BUB1B: variants seen among roughly 807,000 people sequenced by gnomAD.
The protein encoded by BUB1B is mitotic checkpoint serine/threonine-protein kinase BUB1 beta.
Under a neutral mutation model 137.7 loss-of-function variants are expected in BUB1B, and 86 were observed. The observed-to-expected ratio is 0.62, with a 90% CI of 0.52 to 0.75. The LOEUF (loss-of-function observed/expected upper bound fraction) is 0.75. BUB1B is among the 30% of genes least tolerant of loss of function. The pLI, the probability that BUB1B is intolerant of heterozygous loss-of-function variation, is 0.00. For synonymous variants in BUB1B, 420 were observed against 417.9 expected, an observed-to-expected ratio of 1.00 and a Z score of -0.06; for missense variants, 1,130 against 1,236.9, an observed-to-expected ratio of 0.91 and a Z score of 1.30.
chr15:40,167,596 C>T (rs8023415), intron 2 of BUB1B, among the ~76,000 whole-genome samples: 17,472 of 152,134 alleles, frequency 0.11, 1,180 homozygotes, highest in Non-Finnish European at 0.15. Context: ...CCGCCTCGGC[C>T]TCCCAGAGTG....
chr15:40,214,722 C>G (rs1566828956), intron 20 of BUB1B, among the ~76,000 whole-genome samples: 2 of 152,134 alleles, frequency 1.3e-5, no homozygotes, highest in Non-Finnish European at 2.9e-5. Flanking sequence ...CAAAGGCTTT[C>G]CCAGACATAA....
Position 40,185,632 on chromosome 15 carries a change from C to T in BUB1B, c.1048C>T (p.Gln350Ter). 1 of 1,613,304 alleles carries T rather than the reference C, an allele frequency of 6.2e-7. No individual in the cohort carries two copies. Among genetic ancestry groups the T allele is most frequent in the South Asian group, 1.1e-5 (1 of 91,076 alleles). Residue 350 changes from glutamine to a stop codon, truncating the protein, a stop_gained, in exon 8 of 23, where the codon CAG becomes TAG. Coordinates refer to ENST00000287598, the MANE Select transcript of BUB1B (RefSeq NM_001211.6). LOFTEE classifies it high-confidence loss of function. The part of the protein sequence containing the change: ...FTPYVEETAR[Q>*]PVMTPCKIEP... ...TCCATATGTGGAAGAGACTGCACGA[C>T]AGCCAGTTATGTGAGTGTGGTTTTT... is the stretch of plus-strand genomic sequence containing the variant.
chr15:40,195,033 T>TA (rs1313960149), intron 8 of BUB1B, among the ~76,000 whole-genome samples: 2 of 152,172 alleles, frequency 1.3e-5, no homozygotes, highest in Non-Finnish European at 2.9e-5. Flanking sequence ...GGTGTTTGGT[T>TA]ACACAAATAA....
At chr15:40,212,810 A>T (rs1053711918) in intron 19 of BUB1B, among the ~76,000 whole-genome samples, 162 bp downstream of exon 19, 2 of 152,174 alleles carry the variant, frequency 1.3e-5, no homozygotes, top group Admixed American at 1.3e-4. Flanking sequence ...TTGACCAAAG[A>T]TCTCTTTGGT....
At position 40,217,398 on chromosome 15, in the gene BUB1B, T is replaced by C. The variant is rs2037808945; in HGVS notation, c.2679-98T>C. The stretch of plus-strand genomic sequence containing the variant: ...CACTGGAGGGAGTTGTTGGCATAGC[T>C]AAGATGTACCCAAGGTACCTTTTTT... On this transcript the variant is annotated intron_variant, in intron 20 of 22. Coordinates refer to ENST00000287598, the MANE Select transcript of BUB1B (RefSeq NM_001211.6). 1.2e-5 allele frequency: 16 copies of C among 1,305,054 alleles called. No homozygotes were observed. In the South Asian group the frequency reaches 1.4e-4, roughly 12 times the overall value. 80.8% of individuals were successfully genotyped at this position (1,305,054 alleles called of 1,614,324 possible).
At chr15:40,172,221 CTAAAA>C (rs1252605715) in intron 4 of BUB1B, among the ~76,000 whole-genome samples, 39 of 151,704 alleles carry the variant, frequency 2.6e-4, no homozygotes, top group Non-Finnish European at 5.0e-4. Flanking sequence ...AAATTTCTTA[CTAAAA>C]TAAAGTAATA....
Position 40,206,262 on chromosome 15 carries a change from C to G in BUB1B, c.1813C>G (p.Pro605Ala). 1 of 1,614,086 alleles carries G rather than the reference C, an allele frequency of 6.2e-7. No homozygotes were observed. The highest frequency in any genetic ancestry group is 1.3e-5 in the African/African-American group (1 of 75,024). Residue 605 changes from proline (P) to alanine (A), a missense_variant, in exon 15 of 23, where the codon CCA becomes GCA. Physicochemically the swap from Pro to Ala is conservative, Grantham distance 27. Coordinates refer to ENST00000287598, the MANE Select transcript of BUB1B (RefSeq NM_001211.6). The stretch of plus-strand genomic sequence containing the variant: ...CAGAAATGTAACAATTTGTCCTAAC[C>G]CAGAAGACACTTGTGACTTTGCCAG... ...GFRNVTICPN[P>A]EDTCDFARAA...
At chr15:40,209,591 G>C in intron 16 of BUB1B, 44 bp from the exon 17 acceptor site, 1 of 1,612,868 alleles carries the variant, frequency 6.2e-7, no homozygotes, top group Non-Finnish European at 8.5e-7. Context: ...TAAGCATTAG[G>C]GTTTTTTTGG....
In BUB1B at chr15:40,200,279, A is replaced by G. The variant is rs56292726; in HGVS notation, c.1437A>G (p.Lys479=). 2.4e-5 allele frequency: 38 copies of G among 1,613,906 alleles called. No homozygotes were observed. The East Asian group carries it at 4.7e-4, about 20-fold the overall frequency. Residue 479 remains lysine, a synonymous_variant, in exon 11 of 23, where the codon AAA becomes AAG. Transcript: ENST00000287598. ...CGATGCCTACAAAGGAGACAACTAA[A>G]CTGCAAATTGCTTCCGAGTCTCAGA... ...EETMPTKETT[K]LQIASESQKI...
chr15:40,206,354 T>C lies in BUB1B; in HGVS notation c.1905T>C (p.Pro635=), dbSNP rs763025069. The change falls in exon 15 of 23, where the codon CCT becomes CCC. Residue 635 remains proline, a synonymous_variant. Transcript: ENST00000287598. The part of the protein sequence containing the change: ...IMSLKDLPSD[P]ERLLPEEDLD... ...CCTTGAAGGATCTCCCTTCTGATCC[T>C]GAGAGACTGTTACCGGAAGAAGATC... 4 of 1,614,226 alleles carry C rather than the reference T, an allele frequency of 2.5e-6. No homozygotes were observed. The South Asian group carries it at 4.4e-5, about 18-fold the overall frequency.
intron 1 of BUB1B, among the ~76,000 whole-genome samples, chr15:40,162,396 A>G (rs1699368416): frequency 6.6e-6 from 1 of 152,236 alleles, no homozygotes; most frequent in Non-Finnish European, 1.5e-5. Flanking sequence ...TGAGCAAAGG[A>G]AAGACATAAT....
At chr15:40,207,877 A>C (rs1290932618) in intron 15 of BUB1B, among the ~76,000 whole-genome samples, 5 of 80,514 alleles carry the variant, frequency 6.2e-5, no homozygotes, top group Admixed American at 4.4e-4. Context: ...TGTCTAATAA[A>C]AATAAAAAAA....
chr15:40,212,445 C>T (rs1281600628), intron 18 of BUB1B, 54 bp from the exon 19 acceptor site: 1 of 1,429,200 alleles, frequency 7.0e-7, no homozygotes, highest in Non-Finnish European at 9.8e-7. Flanking sequence ...TTCAACCTGC[C>T]AGCCATAACC....
intron 20 of BUB1B, among the ~76,000 whole-genome samples, chr15:40,213,989 A>G (rs960404478): frequency 3.9e-5 from 6 of 152,366 alleles, no homozygotes; most frequent in African/African-American, 1.4e-4. Context: ...AAATCAGATA[A>G]AAGAATTAAT....
chr15:40,220,827 T>C lies in BUB1B; in HGVS notation c.*68T>C. 1 of 1,493,070 alleles carries C rather than the reference T, an allele frequency of 6.7e-7. No homozygotes were observed. Among genetic ancestry groups the C allele is most frequent in the Non-Finnish European group, 9.3e-7 (1 of 1,070,798 alleles). 92.5% of individuals were successfully genotyped at this position (1,493,070 alleles called of 1,614,324 possible). ...GTTGTATTGTGGAACACTGAAACTG[T>C]ATGTGCTGTAATTTAATTTAGGACA... On this transcript the variant is annotated 3_prime_UTR_variant, in exon 23 of 23. Transcript: ENST00000287598.
chr15:40,176,607 A>G lies in BUB1B; in HGVS notation c.515A>G (p.Asp172Gly), dbSNP rs2037226767. The G allele has an allele frequency of 2.6e-5, 42 of 1,614,170 alleles. No individual in the cohort carries two copies. The highest frequency in any genetic ancestry group is 3.6e-5 in the Non-Finnish European group (42 of 1,180,020). ...GCTAGAGAAAACTTTAGGAAAGCAG[A>G]TGCGATATTTCAGGAAGGGATTCAA... ...YEARENFRKA[D>G]AIFQEGIQQK... Residue 172 changes from aspartate to glycine, a missense_variant, in exon 5 of 23, where the codon GAT (aspartate) becomes GGT (glycine). Physicochemically the swap from Asp to Gly is moderately conservative, Grantham distance 94. Transcript: ENST00000287598.
chr15:40,189,675 G>A (rs187268179), intron 8 of BUB1B, among the ~76,000 whole-genome samples: 59 of 152,226 alleles, frequency 3.9e-4, no homozygotes, highest in African/African-American at 1.2e-3. Context: ...TGTGAATACC[G>A]TGTATACATT....
chr15:40,165,924 C>G (rs935398225), intron 2 of BUB1B, among the ~76,000 whole-genome samples: 1 of 151,428 alleles, frequency 6.6e-6, no homozygotes, highest in African/African-American at 2.4e-5. Context: ...CTGATTTCAG[C>G]TCACTGCAAC....
rs117786251 is a variant in BUB1B at position 40,163,452 on chromosome 15, C to T, written c.36-1601C>T. Among the ~76,000 whole-genome samples, 58 of 152,252 alleles carry T rather than the reference C, an allele frequency of 3.8e-4. No individual in the cohort carries two copies. In the East Asian group the frequency reaches 0.011, roughly 29 times the overall value. On this transcript the variant is annotated intron_variant, in intron 1 of 22. Transcript: ENST00000287598. ...AGTGTGTATGATAATCATATAAATG[C>T]ATGACAATAAACAATGCCTTATGAA...
Sources: allele counts gnomAD v4.1 joint callset (sites outside exome capture counted in the v4.1 genomes callset), GRCh38; gene constraint gnomAD v4.1.1; transcripts MANE v1.5; gene names NCBI Gene and HGNC (gene_info 2026-07-23, HGNC 2026-07-21).